ARHGEF7: variants seen among roughly 807,000 people sequenced by gnomAD.
ARHGEF7 encodes the protein PAK-interacting exchange factor beta.
ARHGEF7 carries 33 observed loss-of-function variants against 109.8 expected under a neutral mutation model. That is an observed-to-expected ratio of 0.30 (90% CI 0.23 to 0.40). The LOEUF (loss-of-function observed/expected upper bound fraction) is 0.40, where lower values mean the gene tolerates loss of function less well. ARHGEF7 is among the 10% of genes least tolerant of loss of function. The pLI is 1.00. For synonymous variants in ARHGEF7, 458 were observed against 424.6 expected, an observed-to-expected ratio of 1.08 and a Z score of -0.97; for missense variants, 938 against 1,098.5, an observed-to-expected ratio of 0.85 and a Z score of 2.07.
chr13:111,212,846 G>C (rs72653514), intron 4 of ARHGEF7, among the ~76,000 whole-genome samples: 9,775 of 152,220 alleles, frequency 0.064, 425 homozygotes, highest in South Asian at 0.21. Flanking sequence ...ACAGTTGATG[G>C]TATGCCATAA....
chr13:111,179,075 C>T (rs1209680920), intron 2 of ARHGEF7, among the ~76,000 whole-genome samples: 1 of 49,638 alleles, frequency 2.0e-5, no homozygotes, highest in Non-Finnish European at 3.7e-5. Flanking sequence ...AGTTCAAATG[C>T]CTGTTCTTTT....
rs1486800306 is a variant in ARHGEF7 at position 111,221,344 on chromosome 13, T to C, written c.670+3464T>C. Among the ~76,000 whole-genome samples, 4 of 11,294 alleles carry C rather than the reference T, an allele frequency of 3.5e-4. 2 individuals are homozygous for C. The highest frequency in any genetic ancestry group is 0.013 in the South Asian group (2 of 150). 7.4% of individuals were successfully genotyped at this position (11,294 alleles called of 152,430 possible). A position where few individuals can be genotyped will look rare whatever the true frequency, so the allele number is the denominator to read the frequency against. The stretch of plus-strand genomic sequence containing the variant: ...AGATATATATGTCTATATATATCTA[T>C]ATATATGTCTATATATATATCTATA... On this transcript the variant is annotated intron_variant, in intron 5 of 21. Coordinates refer to ENST00000646102, the MANE Select transcript of ARHGEF7 (RefSeq NM_001354046.2).
chr13:111,182,200 A>G (rs968841103), intron 2 of ARHGEF7: 2 of 152,252 alleles, frequency 1.3e-5, no homozygotes, highest in Admixed American at 6.5e-5. Context: ...TGCCGCCTCC[A>G]TACGACAGGT....
intron 4 of ARHGEF7, among the ~76,000 whole-genome samples, 165 bp from the exon 5 acceptor site, chr13:111,217,514 G>C (rs929616336): frequency 6.6e-6 from 1 of 152,160 alleles, no homozygotes; most frequent in East Asian, 1.9e-4. Context: ...GAGTGGTGCT[G>C]GTGGTGGTCA....
At chr13:111,209,003 C>G (rs1284480198) in intron 3 of ARHGEF7, among the ~76,000 whole-genome samples, 1 of 152,168 alleles carries the variant, frequency 6.6e-6, no homozygotes, top group Non-Finnish European at 1.5e-5. Flanking sequence ...TACCTTCAGA[C>G]TTTTCGATGT....
intron 19 of ARHGEF7, among the ~76,000 whole-genome samples, chr13:111,298,043 C>CTA (rs1227581114): frequency 2.0e-5 from 3 of 152,214 alleles, no homozygotes; most frequent in Non-Finnish European, 2.9e-5. Flanking sequence ...ACTGTCTGGG[C>CTA]TCAAAGCAGG....
chr13:111,270,604 G>A (rs1479207063), intron 9 of ARHGEF7, among the ~76,000 whole-genome samples: 2 of 152,092 alleles, frequency 1.3e-5, no homozygotes, highest in African/African-American at 2.4e-5. Flanking sequence ...GTGGTGATGA[G>A]GGTAACTGTT....
At chr13:111,216,373 AG>A (rs1034316957) in intron 4 of ARHGEF7, among the ~76,000 whole-genome samples, 1 of 152,176 alleles carries the variant, frequency 6.6e-6, no homozygotes, top group African/African-American at 2.4e-5. Flanking sequence ...GGTGGAGGGC[AG>A]GGAGAAGCCA....
chr13:111,207,511 G>A (rs1279028134), intron 3 of ARHGEF7, among the ~76,000 whole-genome samples: 1 of 152,212 alleles, frequency 6.6e-6, no homozygotes, highest in Non-Finnish European at 1.5e-5. Flanking sequence ...TGTGGCAGAT[G>A]GGGCAATAGC....
intron 8 of ARHGEF7, among the ~76,000 whole-genome samples, chr13:111,244,622 C>T (rs980463296): frequency 3.3e-5 from 5 of 152,180 alleles, no homozygotes; most frequent in Non-Finnish European, 7.3e-5. Context: ...CCTTGTGTGC[C>T]CTGAGTGCTG....
intron 2 of ARHGEF7, among the ~76,000 whole-genome samples, chr13:111,155,210 A>G (rs1296008010): frequency 2.6e-5 from 4 of 152,230 alleles, no homozygotes; most frequent in Non-Finnish European, 4.4e-5. Flanking sequence ...ACAACTGTAT[A>G]TGAAAGCATC....
Position 111,303,023 on chromosome 13 carries a change from A to G in ARHGEF7, c.2499A>G (p.Glu833=), listed in dbSNP as rs766937715. The G allele has an allele frequency of 6.8e-6, 11 of 1,614,074 alleles. No individual in the cohort carries two copies. The Admixed American group carries it at 1.3e-4, about 20-fold the overall frequency. Residue 833 remains glutamate, a synonymous_variant, in exon 22 of 22, where the codon GAA becomes GAG. Coordinates refer to ENST00000646102, the MANE Select transcript of ARHGEF7 (RefSeq NM_001354046.2). ...AAAAGATGAAGAAATCTCTAGAGGA[A>G]GAACAGAGAGCCCGCAAAGACCTGG... ...DNKKMKKSLE[E]EQRARKDLEK... is the part of the protein sequence containing the mutation.
chr13:111,150,918 T>C (rs748705815), intron 1 of ARHGEF7, among the ~76,000 whole-genome samples: 1 of 152,194 alleles, frequency 6.6e-6, no homozygotes, highest in Non-Finnish European at 1.5e-5. Context: ...CCTAGAGATA[T>C]CGTTCAACTT....
intron 1 of ARHGEF7, among the ~76,000 whole-genome samples, chr13:111,147,847 G>A (rs1236682621): frequency 3.3e-5 from 5 of 151,562 alleles, no homozygotes; most frequent in South Asian, 2.1e-4. Flanking sequence ...ACAGGCGCCC[G>A]CCACTACACC....
At chr13:111,233,395 A>G (rs1018758080) in intron 6 of ARHGEF7, 102 bp downstream of exon 6, 5 of 923,902 alleles carry the variant, frequency 5.4e-6, no homozygotes, top group East Asian at 2.5e-5. Flanking sequence ...GGAAGAAGGA[A>G]ATAAAGTTCA....
chr13:111,166,853 G>C (rs1375199287), intron 2 of ARHGEF7, among the ~76,000 whole-genome samples: 2 of 152,236 alleles, frequency 1.3e-5, no homozygotes. Flanking sequence ...GGTTCTGATT[G>C]TGTAGAGTGA....
rs115113601 is a variant in ARHGEF7 at position 111,252,113 on chromosome 13, T to C, written c.950+7819T>C. Among the ~76,000 whole-genome samples the C allele has an allele frequency of 9.6e-3, 1,458 of 152,340 alleles. 24 individuals are homozygous for C. Among genetic ancestry groups the C allele is most frequent in the African/African-American group, 0.033 (1,374 of 41,568 alleles). On this transcript the variant is annotated intron_variant, in intron 8 of 21. Coordinates refer to ENST00000646102, the MANE Select transcript of ARHGEF7 (RefSeq NM_001354046.2). ...CTTAGCACTGGGGCAGAAGCCTAGATGGCATTCCATAGAAAGCACTAGTTA... is the reference window on the plus strand; with the variant it reads ...CTTAGCACTGGGGCAGAAGCCTAGACGGCATTCCATAGAAAGCACTAGTTA...
chr13:111,116,086 C>T (rs1329385806), intron 1 of ARHGEF7, among the ~76,000 whole-genome samples: 1 of 152,202 alleles, frequency 6.6e-6, no homozygotes, highest in African/African-American at 2.4e-5. Flanking sequence ...ACTCCGCTGG[C>T]TTTGTGTGGA....
chr13:111,132,159 C>T (rs960421934), intron 1 of ARHGEF7, among the ~76,000 whole-genome samples: 1 of 152,176 alleles, frequency 6.6e-6, no homozygotes. Flanking sequence ...CCCTTTCAAC[C>T]GCTTTAGGGG....
Sources: gnomAD v4.1 joint callset for allele counts (sites outside exome capture counted in the v4.1 genomes callset) on GRCh38, gnomAD v4.1.1 for gene constraint, MANE v1.5 for transcripts, NCBI Gene and HGNC (gene_info 2026-07-23, HGNC 2026-07-21) for gene names.